DMD: variants seen among roughly 807,000 people sequenced by gnomAD.
The protein encoded by DMD is dystrophin, also known as mutant dystrophin.
DMD carries 63 observed loss-of-function variants against 330.1 expected under a neutral mutation model. That is an observed-to-expected ratio of 0.19 (90% confidence interval 0.16 to 0.24). The LOEUF (loss-of-function observed/expected upper bound fraction) is 0.24, where lower values mean the gene tolerates loss of function less well. DMD is among the 10% of genes least tolerant of loss of function. The pLI is 1.00. For synonymous variants in DMD, 1,223 were observed against 959.8 expected, an observed-to-expected ratio of 1.27 and a Z score of -5.07; for missense variants, 3,344 against 2,684.1, an observed-to-expected ratio of 1.25 and a Z score of -5.43.
intron 43 of DMD, among the ~76,000 whole-genome samples, chrX:32,240,625 A>T (rs991380437): frequency 8.9e-6 from 1 of 112,042 alleles, no homozygotes; most frequent in Non-Finnish European, 1.9e-5. Flanking sequence ...TTTATAATCT[A>T]CTGCCCAGAG....
intron 1 of DMD, among the ~76,000 whole-genome samples, chrX:33,287,601 TAAG>T (rs1899489799): frequency 9.0e-6 from 1 of 111,630 alleles, no homozygotes; most frequent in Non-Finnish European, 1.9e-5. Context: ...ACTAGCTGCT[TAAG>T]AAGAAGAAAT....
chrX:31,510,528 G>A (rs1472250798), intron 55 of DMD, among the ~76,000 whole-genome samples: 2 of 73,540 alleles, frequency 2.7e-5, no homozygotes, highest in African/African-American at 1.3e-4. Context: ...TTTTTTTTGA[G>A]ACAGAGTCTC....
chrX:31,893,973 C>G (rs5927051), intron 47 of DMD, among the ~76,000 whole-genome samples: 2 of 111,335 alleles, frequency 1.8e-5, no homozygotes, highest in Non-Finnish European at 3.8e-5. Context: ...CAGCCCTGAA[C>G]GTGTCACTGA....
At chrX:32,091,310 G>T (rs2096472835) in intron 44 of DMD, among the ~76,000 whole-genome samples, 1 of 111,567 alleles carries the variant, frequency 9.0e-6, no homozygotes, top group Admixed American at 9.5e-5. Context: ...CAGATACATA[G>T]AAACTTATAT....
intron 16 of DMD, among the ~76,000 whole-genome samples, chrX:32,548,271 G>A (rs760935071): frequency 8.9e-6 from 1 of 111,805 alleles, no homozygotes; most frequent in East Asian, 2.8e-4. Flanking sequence ...TAATTGTGAA[G>A]ATGAATGCCA....
intron 59 of DMD, among the ~76,000 whole-genome samples, chrX:31,452,685 G>C (rs1006453816): frequency 8.9e-5 from 10 of 111,989 alleles, no homozygotes; most frequent in African/African-American, 2.9e-4. Context: ...TTTTCTCTTT[G>C]CACTGATCAT....
chrX:31,619,130 A>T (rs1394033591), intron 55 of DMD, among the ~76,000 whole-genome samples: 2 of 111,664 alleles, frequency 1.8e-5, no homozygotes, highest in Non-Finnish European at 3.8e-5. Flanking sequence ...TGAAAAATAC[A>T]TGATGACTTT....
intron 44 of DMD, among the ~76,000 whole-genome samples, chrX:32,096,911 A>G (rs2096510898): frequency 8.9e-6 from 1 of 111,980 alleles, no homozygotes; most frequent in Non-Finnish European, 1.9e-5. Flanking sequence ...GTATTCAGGT[A>G]TTACTGTTTA....
At chrX:32,782,722 C>A (rs1430449668) in intron 7 of DMD, among the ~76,000 whole-genome samples, 1 of 109,663 alleles carries the variant, frequency 9.1e-6, no homozygotes, top group Non-Finnish European at 1.9e-5. Context: ...TGAATATAGT[C>A]AATAATTGTG....
intron 7 of DMD, among the ~76,000 whole-genome samples, chrX:32,714,680 C>A (rs1051315018): frequency 3.6e-5 from 4 of 111,705 alleles, no homozygotes; most frequent in Non-Finnish European, 7.5e-5. Context: ...GCATTTTCAT[C>A]ATATGTGACT....
At chrX:31,700,333 A>T (rs1342906967) in intron 52 of DMD, among the ~76,000 whole-genome samples, 1 of 112,395 alleles carries the variant, frequency 8.9e-6, no homozygotes, top group Non-Finnish European at 1.9e-5. Context: ...AACTTATACG[A>T]GTGGAAATGG....
chrX:32,873,396 G>C (rs983398814), intron 2 of DMD, among the ~76,000 whole-genome samples: 14 of 109,895 alleles, frequency 1.3e-4, no homozygotes, highest in African/African-American at 4.6e-4. Flanking sequence ...CTGTTTCTCA[G>C]ACTTTAGTAT....
chrX:33,325,778 T>C (rs1331092538), intron 1 of DMD, among the ~76,000 whole-genome samples: 1 of 112,111 alleles, frequency 8.9e-6, no homozygotes, highest in African/African-American at 3.2e-5. Context: ...CATTTTCTAT[T>C]AGTGATGAAA....
intron 43 of DMD, among the ~76,000 whole-genome samples, chrX:32,244,045 G>A (rs1411214396): frequency 3.0e-5 from 3 of 100,776 alleles, no homozygotes; most frequent in Admixed American, 1.1e-4. Flanking sequence ...ATGCTGGTGC[G>A]CTGCACCCAC....
chrX:31,557,016 A>T (rs2147808329), intron 55 of DMD, among the ~76,000 whole-genome samples: 1 of 112,355 alleles, frequency 8.9e-6, no homozygotes, highest in East Asian at 2.8e-4. Context: ...TCAGGACTTT[A>T]CAGTCTAATT....
intron 17 of DMD, among the ~76,000 whole-genome samples, chrX:32,544,603 G>T (rs1188923081): frequency 1.8e-5 from 2 of 110,997 alleles, no homozygotes; most frequent in African/African-American, 6.5e-5. Flanking sequence ...GTCACAAAAA[G>T]ATCAGTTAAA....
At chrX:31,171,058 A>C (rs1602348345) in intron 73 of DMD, among the ~76,000 whole-genome samples, 2 of 112,163 alleles carry the variant, frequency 1.8e-5, no homozygotes, top group East Asian at 2.8e-4. Context: ...TGAGCCAAAG[A>C]AGCACAAGCT....
At chrX:31,537,655 C>T (rs1168939047) in intron 55 of DMD, among the ~76,000 whole-genome samples, 1 of 111,080 alleles carries the variant, frequency 9.0e-6, no homozygotes, top group Admixed American at 9.6e-5. Context: ...GACTTTCTCA[C>T]TTCCAGGCCT....
intron 29 of DMD, among the ~76,000 whole-genome samples, chrX:32,436,353 C>T (rs1244396854): frequency 9.0e-6 from 1 of 111,424 alleles, no homozygotes; most frequent in East Asian, 2.8e-4. Context: ...CTGTCTGGAC[C>T]CTGACTACTA....
Sources: gnomAD v4.1 joint callset for allele counts (sites outside exome capture counted in the v4.1 genomes callset) on GRCh38, gnomAD v4.1.1 for gene constraint, MANE v1.5 for transcripts, NCBI Gene and HGNC (gene_info 2026-07-23, HGNC 2026-07-21) for gene names.